The following TBC1D14 variants were observed in gnomAD, a reference collection of about 807,000 sequenced individuals.
TBC1D14 encodes the protein TBC1 domain family member 14.
A neutral mutation model predicts 79.0 loss-of-function variants in TBC1D14; 26 were observed. The ratio of observed to expected loss-of-function variants is 0.33; its 90% CI spans 0.24 to 0.46. TBC1D14 has a LOEUF of 0.46. Ranked by LOEUF, TBC1D14 falls within the 20% of genes least tolerant of loss-of-function variation. TBC1D14 has a pLI of 1.00. For synonymous variants in TBC1D14, 394 were observed against 349.9 expected (o/e 1.13, Z -1.40); for missense variants, 769 against 887.6 (o/e 0.87, Z 1.70).
chr4:6,973,538 G>A (rs1716442874), intron 3 of TBC1D14, among the ~76,000 whole-genome samples: 1 of 152,138 alleles, frequency 6.6e-6, no homozygotes, highest in South Asian at 2.1e-4. Context: ...TATAAAACCT[G>A]AACAGAAAGC....
At chr4:6,997,067 A>G (rs1719132548) in intron 5 of TBC1D14, 1 of 152,320 alleles carries the variant, frequency 6.6e-6, no homozygotes, top group Non-Finnish European at 1.5e-5. Context: ...ACCAGGGTTG[A>G]TTCGGCTCAT....
chr4:6,956,018 G>C lies in TBC1D14; in HGVS notation c.723-11286G>C, dbSNP rs564500544. Among the ~76,000 whole-genome samples the C allele has an allele frequency of 1.2e-4, 18 of 152,254 alleles. No individual in the cohort carries two copies. The South Asian group carries it at 3.5e-3, about 30-fold the overall frequency. On this transcript the variant is annotated intron_variant, in intron 2 of 13. Coordinates refer to ENST00000409757, the MANE Select transcript of TBC1D14 (RefSeq NM_020773.3). ...AAAAAGCTTTCATTCAATAATCTGAGTGTTTTACTCAGTGCCAGGAACTGT... is the reference window on the plus strand; with the variant it reads ...AAAAAGCTTTCATTCAATAATCTGACTGTTTTACTCAGTGCCAGGAACTGT...
chr4:7,014,330 A>G, intron 11 of TBC1D14, 118 bp from the exon 12 acceptor site: 1 of 646,686 alleles, frequency 1.5e-6, no homozygotes. Flanking sequence ...TTCAAAGTGT[A>G]TTAGTAATTA....
chr4:6,967,366 T>C lies in TBC1D14; in HGVS notation c.785T>C (p.Leu262Ser). 1 of 1,614,038 alleles carries C rather than the reference T, an allele frequency of 6.2e-7. No homozygotes were observed. Among genetic ancestry groups the C allele is most frequent in the Non-Finnish European group, 8.5e-7 (1 of 1,179,978 alleles). The change falls in exon 3 of 14, where the codon TTA (leucine) becomes TCA (serine). Residue 262 changes from leucine to serine, a missense_variant. Leu to Ser is a moderately radical substitution (Grantham distance 145, BLOSUM62 -2). This residue lies in a region of TBC1D14 where 402 missense variants were observed against 393.2 expected (regional missense o/e 1.02). Coordinates refer to ENST00000409757, the MANE Select transcript of TBC1D14 (RefSeq NM_020773.3). ...AAACACAATGACTTGGGATGGAAGTTATTTGGGAAAGCGCCACTCCGAGAG... is the reference window on the plus strand; with the variant it reads ...AAACACAATGACTTGGGATGGAAGTCATTTGGGAAAGCGCCACTCCGAGAG... ...LDKHNDLGWK[L>S]FGKAPLRENA...
chr4:6,936,324 T>C (rs564379621), intron 2 of TBC1D14, among the ~76,000 whole-genome samples: 1 of 152,354 alleles, frequency 6.6e-6, no homozygotes, highest in Non-Finnish European at 1.5e-5. Context: ...TCTCTTTTTC[T>C]CCTTACCCCT....
intron 12 of TBC1D14, among the ~76,000 whole-genome samples, chr4:7,022,592 G>T (rs1338666023): frequency 6.6e-6 from 1 of 152,212 alleles, no homozygotes; most frequent in African/African-American, 2.4e-5. Context: ...CCCAGAGGCC[G>T]CAGTGAGTAG....
At chr4:6,978,737 T>C (rs1244654214) in intron 3 of TBC1D14, among the ~76,000 whole-genome samples, 1 of 90,880 alleles carries the variant, frequency 1.1e-5, no homozygotes, top group Non-Finnish European at 2.4e-5. Context: ...GAATGATCAA[T>C]TAAAAAAAAA....
intron 3 of TBC1D14, chr4:6,987,439 C>T: frequency 8.2e-7 from 1 of 1,214,736 alleles, no homozygotes. Context: ...GCCAGCCCTG[C>T]GGCCCCGCGC....
At chr4:6,986,193 A>T (rs1473490167) in intron 3 of TBC1D14, among the ~76,000 whole-genome samples, 1 of 152,220 alleles carries the variant, frequency 6.6e-6, no homozygotes, top group Non-Finnish European at 1.5e-5. Context: ...TTTGAGGTTC[A>T]TCCATGTAGG....
At chr4:7,012,207 C>T (rs1159389635) in intron 11 of TBC1D14, among the ~76,000 whole-genome samples, 3 of 150,900 alleles carry the variant, frequency 2.0e-5, no homozygotes, top group South Asian at 2.1e-4. Context: ...GAGACTGAGG[C>T]AGGAGAATGG....
intron 2 of TBC1D14, among the ~76,000 whole-genome samples, chr4:6,963,655 C>T (rs569263504): frequency 6.4e-4 from 98 of 152,360 alleles, no homozygotes; most frequent in Non-Finnish European, 1.1e-3. Flanking sequence ...GGCTACAGCA[C>T]CTTTTCACTT....
intron 8 of TBC1D14, among the ~76,000 whole-genome samples, chr4:7,006,006 A>G (rs555048565): frequency 2.8e-4 from 43 of 152,340 alleles, no homozygotes; most frequent in African/African-American, 8.4e-4. Flanking sequence ...TTAGAATTCT[A>G]AAAAGTATAA....
intron 3 of TBC1D14, among the ~76,000 whole-genome samples, chr4:6,971,468 TATATATTAC>T (rs773407106): frequency 3.3e-5 from 5 of 152,214 alleles, no homozygotes; most frequent in Non-Finnish European, 7.3e-5. Context: ...GCTTGGGCCT[TATATATTAC>T]TATTTTGGGG....
intron 2 of TBC1D14, among the ~76,000 whole-genome samples, chr4:6,936,602 T>A (rs1020821867): frequency 1.3e-5 from 2 of 152,224 alleles, no homozygotes; most frequent in African/African-American, 4.8e-5. Context: ...TGTGTGAAGA[T>A]TTTTGTGTGG....
chr4:6,997,683 T>C (rs1281375645), intron 5 of TBC1D14, among the ~76,000 whole-genome samples: 3 of 152,222 alleles, frequency 2.0e-5, no homozygotes, highest in Non-Finnish European at 4.4e-5. Flanking sequence ...GGAATATTAT[T>C]TGGCCTTAAA....
intron 4 of TBC1D14, chr4:6,995,731 C>T (rs1424977748): frequency 1.3e-5 from 2 of 152,208 alleles, no homozygotes; most frequent in African/African-American, 4.8e-5. Flanking sequence ...TCAGGATGGT[C>T]TTTATTTCCT....
At chr4:6,991,546 A>G (rs1718486912) in intron 3 of TBC1D14, among the ~76,000 whole-genome samples, 2 of 152,222 alleles carry the variant, frequency 1.3e-5, no homozygotes, top group South Asian at 4.1e-4. Flanking sequence ...TGCCTGCCTC[A>G]GGTAGCCTGC....
At chr4:7,003,984 G>A (rs1270495385) in intron 7 of TBC1D14, among the ~76,000 whole-genome samples, 1 of 152,138 alleles carries the variant, frequency 6.6e-6, no homozygotes, top group East Asian at 1.9e-4. Context: ...CTCCAGCCTG[G>A]GCGACAGAGC....
chr4:6,968,259 G>A (rs1474091916), intron 3 of TBC1D14, among the ~76,000 whole-genome samples: 2 of 152,172 alleles, frequency 1.3e-5, no homozygotes, highest in African/African-American at 2.4e-5. Flanking sequence ...CACAGTACCC[G>A]TGCCCAACAG....
Sources: gnomAD v4.1 joint callset for allele counts (sites outside exome capture counted in the v4.1 genomes callset) on GRCh38, gnomAD v4.1.1 for gene constraint, gnomAD v4.1.1 regional missense constraint, MANE v1.5 for transcripts, NCBI Gene and HGNC (gene_info 2026-07-23, HGNC 2026-07-21) for gene names.